The following FBXL17 variants were observed in gnomAD, a reference collection of about 807,000 sequenced individuals.
FBXL17 encodes F-box/LRR-repeat protein 17.
In FBXL17, 22 loss-of-function variants were observed where a neutral mutation model predicts 66.2. The ratio of observed to expected loss-of-function variants is 0.33; its 90% CI spans 0.24 to 0.47. The LOEUF (loss-of-function observed/expected upper bound fraction) is 0.47, where lower values mean the gene tolerates loss of function less well. FBXL17 is among the 20% of genes least tolerant of loss of function. The probability of loss-of-function intolerance (pLI) is 1.00; values close to 1 mark genes in which losing one functional copy is unlikely to be tolerated. For missense variants in FBXL17, 878 were observed against 948.2 expected (o/e 0.93, Z 0.97); for synonymous variants, 474 against 400.5 (o/e 1.18, Z -2.19).
chr5:108,085,258 T>A (rs1748924055), intron 6 of FBXL17, among the ~76,000 whole-genome samples: 1 of 152,320 alleles, frequency 6.6e-6, no homozygotes, highest in Admixed American at 6.5e-5. Flanking sequence ...AGTAACTAAG[T>A]TTTTGGTTTG....
intron 7 of FBXL17, among the ~76,000 whole-genome samples, chr5:107,888,234 T>A (rs1172230770): frequency 1.3e-5 from 2 of 152,210 alleles, no homozygotes; most frequent in Non-Finnish European, 2.9e-5. Flanking sequence ...CATGTTAAAA[T>A]TATTTATCAA....
At chr5:108,326,672 C>A (rs749297986) in intron 4 of FBXL17, among the ~76,000 whole-genome samples, 8 of 151,948 alleles carry the variant, frequency 5.3e-5, no homozygotes, top group Non-Finnish European at 1.0e-4. Context: ...AAGCCTAATA[C>A]ATATGTTAAA....
At chr5:108,259,272 G>A (rs1438421199) in intron 4 of FBXL17, among the ~76,000 whole-genome samples, 2 of 152,128 alleles carry the variant, frequency 1.3e-5, no homozygotes, top group African/African-American at 4.8e-5. Context: ...CTATCGATAT[G>A]GGATATGATG....
chr5:108,108,141 T>C (rs987645584), intron 6 of FBXL17, among the ~76,000 whole-genome samples: 1 of 152,220 alleles, frequency 6.6e-6, no homozygotes, highest in Non-Finnish European at 1.5e-5. Flanking sequence ...TCTCCTTCAG[T>C]GATAGCTCCT....
intron 6 of FBXL17, among the ~76,000 whole-genome samples, chr5:108,131,420 G>A (rs184961675): frequency 6.6e-6 from 1 of 152,180 alleles, no homozygotes; most frequent in Admixed American, 6.5e-5. Context: ...GACTATAAAC[G>A]ATTTAAAATT....
At chr5:108,215,860 T>C (rs1270072531) in intron 5 of FBXL17, among the ~76,000 whole-genome samples, 1 of 152,194 alleles carries the variant, frequency 6.6e-6, no homozygotes, top group Non-Finnish European at 1.5e-5. Context: ...TGAACCATGT[T>C]ATAGTTAATT....
intron 7 of FBXL17, among the ~76,000 whole-genome samples, chr5:107,970,524 T>C (rs145183031): frequency 6.6e-6 from 1 of 152,140 alleles, no homozygotes; most frequent in Non-Finnish European, 1.5e-5. Flanking sequence ...CCAGAATCTA[T>C]GATCAAAGCC....
intron 7 of FBXL17, among the ~76,000 whole-genome samples, chr5:107,957,072 T>C (rs1434237812): frequency 2.0e-5 from 3 of 152,206 alleles, no homozygotes. Context: ...GAGATTTACA[T>C]GGCTTCACTG....
chr5:107,927,541 T>A (rs1311073760), intron 7 of FBXL17, among the ~76,000 whole-genome samples: 2 of 152,064 alleles, frequency 1.3e-5, no homozygotes, highest in Non-Finnish European at 2.9e-5. Flanking sequence ...CCAAAACATA[T>A]AGAAAATAAA....
chr5:108,215,957 C>CTTCTT (rs10633343), intron 5 of FBXL17, among the ~76,000 whole-genome samples: 51,644 of 151,584 alleles, frequency 0.34, 8,887 homozygotes, highest in Middle Eastern at 0.41. Context: ...TTAAGAGACT[C>CTTCTT]TTCTCATTGA....
At position 108,031,439 on chromosome 5, in the gene FBXL17, A is replaced by G. The variant is rs114139678; in HGVS notation, c.1746-10438T>C. On this transcript the variant is annotated intron_variant, in intron 6 of 8. Transcript: ENST00000542267. ...CTTCCACAAGTGGGATAAAATTTCA[A>G]GCTTTCAAAGAACCAAAGAAAGAGG... Among the ~76,000 whole-genome samples the G allele has an allele frequency of 9.2e-3, 1,405 of 152,240 alleles. 25 individuals carry two copies. Among genetic ancestry groups the G allele is most frequent in the African/African-American group, 0.032 (1,321 of 41,574 alleles).
intron 7 of FBXL17, among the ~76,000 whole-genome samples, chr5:107,978,600 G>C (rs1191454774): frequency 6.6e-6 from 1 of 152,084 alleles, no homozygotes; most frequent in Non-Finnish European, 1.5e-5. Context: ...CCTACAACTT[G>C]TGATTCAATC....
At chr5:108,333,842 G>A (rs1760250701) in intron 4 of FBXL17, among the ~76,000 whole-genome samples, 1 of 152,160 alleles carries the variant, frequency 6.6e-6, no homozygotes, top group South Asian at 2.1e-4. Context: ...AAGTATTTAT[G>A]TGCAAAGAGT....
intron 8 of FBXL17, among the ~76,000 whole-genome samples, chr5:107,870,727 A>G (rs1748417226): frequency 6.6e-6 from 1 of 151,890 alleles, no homozygotes; most frequent in Non-Finnish European, 1.5e-5. Flanking sequence ...CTGGGACTAC[A>G]GGCGCGTGCC....
At chr5:108,093,822 C>G (rs1310511762) in intron 6 of FBXL17, among the ~76,000 whole-genome samples, 1 of 152,050 alleles carries the variant, frequency 6.6e-6, no homozygotes, top group Non-Finnish European at 1.5e-5. Context: ...AAATTTATTT[C>G]AAGATGTAAT....
intron 7 of FBXL17, among the ~76,000 whole-genome samples, chr5:107,952,257 T>C (rs867112819): frequency 6.6e-6 from 1 of 152,240 alleles, no homozygotes; most frequent in Non-Finnish European, 1.5e-5. Flanking sequence ...GATCCTTCTA[T>C]GGTTTATTTC....
chr5:107,928,920 T>A (rs1465889670), intron 7 of FBXL17, among the ~76,000 whole-genome samples: 1 of 152,170 alleles, frequency 6.6e-6, no homozygotes, highest in Non-Finnish European at 1.5e-5. Flanking sequence ...AAAGCAGATT[T>A]TTTTTTTCCA....
At chr5:108,017,425 A>G (rs568352516) in intron 7 of FBXL17, among the ~76,000 whole-genome samples, 26 of 152,328 alleles carry the variant, frequency 1.7e-4, no homozygotes, top group African/African-American at 5.8e-4. Flanking sequence ...GAGAAGGCTA[A>G]TTCTTCTTCA....
chr5:108,099,256 T>A (rs1266650787), intron 6 of FBXL17, among the ~76,000 whole-genome samples: 1 of 152,196 alleles, frequency 6.6e-6, no homozygotes, highest in Non-Finnish European at 1.5e-5. Flanking sequence ...TAGCTGATAA[T>A]GTGATACTGG....
Sources: allele counts gnomAD v4.1 joint callset (sites outside exome capture counted in the v4.1 genomes callset), GRCh38; gene constraint gnomAD v4.1.1; transcripts MANE v1.5; gene names NCBI Gene and HGNC (gene_info 2026-07-23, HGNC 2026-07-21).